CHST9: variants seen among roughly 807,000 people sequenced by gnomAD.
CHST9 encodes the protein GalNAc-4-sulfotransferase 2.
A neutral mutation model predicts 44.4 loss-of-function variants in CHST9; 41 were observed. That is an observed-to-expected ratio of 0.92 (90% CI 0.72 to 1.20). The LOEUF is 1.20. CHST9 is among the 50% of genes most tolerant of loss of function. CHST9 has a pLI of 0.00. For missense variants in CHST9, 504 were observed against 516.5 expected (o/e 0.98, Z 0.23); for synonymous variants, 171 against 178.4 (o/e 0.96, Z 0.33).
intron 2 of CHST9, among the ~76,000 whole-genome samples, chr18:27,083,086 T>C (rs946801532): frequency 1.3e-5 from 2 of 152,078 alleles, no homozygotes; most frequent in African/African-American, 4.8e-5. Flanking sequence ...TAAGGAAAGG[T>C]AATACATTTA....
At chr18:26,992,381 C>A (rs1468769384) in intron 4 of CHST9, among the ~76,000 whole-genome samples, 1 of 151,968 alleles carries the variant, frequency 6.6e-6, no homozygotes, top group Non-Finnish European at 1.5e-5. Context: ...TTGACTGTCT[C>A]TTATTTACCA....
chr18:26,975,696 T>TATATATATATATATAA (rs1488686233), intron 4 of CHST9, among the ~76,000 whole-genome samples: 1 of 117,256 alleles, frequency 8.5e-6, no homozygotes, highest in African/African-American at 3.1e-5. Context: ...TGTGTGTATA[T>TATATATATATATATAA]ATATGTGTAT....
Position 26,917,345 on chromosome 18 carries a change from G to T in CHST9, c.246C>A (p.Pro82=). 2 of 1,608,508 alleles carry T rather than the reference G, an allele frequency of 1.2e-6. No homozygotes were observed. Among genetic ancestry groups the T allele is most frequent in the Non-Finnish European group, 8.5e-7 (1 of 1,178,056 alleles). The part of the protein sequence containing the change: ...KIQEHITNQN[P]KFHMPEDVRE... Reference sequence around the variant, plus strand: ...GTACATCCTCAGGCATGTGAAACTTGGGGTTCTGTTAAAATAAAGAAGGAG... The same window carrying T: ...GTACATCCTCAGGCATGTGAAACTTTGGGTTCTGTTAAAATAAAGAAGGAG... The change falls in exon 6 of 6, where the codon CCC becomes CCA. Residue 82 remains proline, a synonymous_variant. Coordinates refer to ENST00000618847, the MANE Select transcript of CHST9 (RefSeq NM_031422.6).
At chr18:27,020,864 A>T (rs1429183856) in intron 4 of CHST9, among the ~76,000 whole-genome samples, 1 of 152,162 alleles carries the variant, frequency 6.6e-6, no homozygotes, top group African/African-American at 2.4e-5. Flanking sequence ...CTCATTAAAC[A>T]TTTTAAGAGG....
intron 2 of CHST9, among the ~76,000 whole-genome samples, chr18:27,082,228 C>G (rs2143684849): frequency 6.6e-6 from 1 of 152,266 alleles, no homozygotes; most frequent in Admixed American, 6.5e-5. Flanking sequence ...GTCAAAATAA[C>G]AGATATTTGA....
chr18:26,935,249 C>T (rs1362852930), intron 5 of CHST9: 1 of 152,154 alleles, frequency 6.6e-6, no homozygotes, highest in African/African-American at 2.4e-5. Flanking sequence ...GATAATTTCA[C>T]TTGCTTTAGA....
At chr18:27,125,508 T>G (rs2058412599) in intron 2 of CHST9, among the ~76,000 whole-genome samples, 1 of 152,180 alleles carries the variant, frequency 6.6e-6, no homozygotes, top group Admixed American at 6.5e-5. Flanking sequence ...CTGTATTGGT[T>G]TCTCTCTAAA....
At chr18:27,035,225 T>C (rs542554373) in intron 3 of CHST9, among the ~76,000 whole-genome samples, 1 of 152,318 alleles carries the variant, frequency 6.6e-6, no homozygotes, top group African/African-American at 2.4e-5. Flanking sequence ...TATGTCATTG[T>C]GGTTTTGATT....
At chr18:26,934,863 C>T (rs2055958652) in intron 5 of CHST9, 1 of 152,172 alleles carries the variant, frequency 6.6e-6, no homozygotes, top group Admixed American at 6.5e-5. Flanking sequence ...GTTTCAAACT[C>T]CCATATGATC....
intron 4 of CHST9, among the ~76,000 whole-genome samples, chr18:26,957,751 T>C (rs1421705895): frequency 6.6e-6 from 1 of 152,138 alleles, no homozygotes; most frequent in Non-Finnish European, 1.5e-5. Context: ...ATGTGTGGGT[T>C]ATGTTGGGTG....
chr18:27,017,924 T>G (rs2057174422), intron 4 of CHST9, among the ~76,000 whole-genome samples: 1 of 152,258 alleles, frequency 6.6e-6, no homozygotes, highest in Admixed American at 6.5e-5. Flanking sequence ...ATTTATCAAC[T>G]TAGTTTATCA....
At chr18:27,077,527 A>G (rs963378585) in intron 2 of CHST9, among the ~76,000 whole-genome samples, 2 of 152,156 alleles carry the variant, frequency 1.3e-5, no homozygotes, top group African/African-American at 4.8e-5. Flanking sequence ...GTCTTGAAAA[A>G]AAGATTCTGT....
chr18:26,976,081 C>T (rs2056620816), intron 4 of CHST9, among the ~76,000 whole-genome samples: 1 of 151,800 alleles, frequency 6.6e-6, no homozygotes, highest in Non-Finnish European at 1.5e-5. Context: ...ACAATGTACT[C>T]CAAATCTACG....
At chr18:27,142,974 A>T in intron 1 of CHST9, 69 bp from the exon 2 acceptor site, 1 of 578,184 alleles carries the variant, frequency 1.7e-6, no homozygotes, top group Non-Finnish European at 2.9e-6. Context: ...CGGCATAAAT[A>T]TTCACTATCT....
chr18:27,022,604 G>A lies in CHST9; in HGVS notation c.202+1512C>T, dbSNP rs190044501. ...TCTATACAACTAACTCTAAGTCTAC[G>A]TTGTTTTACTTGGGCAATACATGTG... On this transcript the variant is annotated intron_variant, in intron 4 of 5. Transcript: ENST00000618847. Among the ~76,000 whole-genome samples, 21 of 152,138 alleles carry A rather than the reference G, an allele frequency of 1.4e-4. 1 individual carries two copies. The East Asian group carries it at 2.7e-3, about 20-fold the overall frequency.
chr18:26,999,893 G>C (rs570872417), intron 4 of CHST9, among the ~76,000 whole-genome samples: 2 of 152,170 alleles, frequency 1.3e-5, no homozygotes, highest in Non-Finnish European at 2.9e-5. Flanking sequence ...GTACTTAGAC[G>C]TTAAGTGGGA....
chr18:26,922,273 A>T (rs1465981772), intron 5 of CHST9, among the ~76,000 whole-genome samples: 1 of 152,106 alleles, frequency 6.6e-6, no homozygotes, highest in Non-Finnish European at 1.5e-5. Flanking sequence ...TTCTAGTTTG[A>T]TGTAAAAATC....
At chr18:27,093,078 G>A (rs2058084769) in intron 2 of CHST9, among the ~76,000 whole-genome samples, 1 of 152,126 alleles carries the variant, frequency 6.6e-6, no homozygotes, top group South Asian at 2.1e-4. Context: ...AAATATTGCA[G>A]AACAGCTGCC....
At chr18:27,158,186 G>T (rs2058713064) in intron 1 of CHST9, among the ~76,000 whole-genome samples, 1 of 152,108 alleles carries the variant, frequency 6.6e-6, no homozygotes. Flanking sequence ...CATGTGCCAT[G>T]TTGGTGTGCT....
Sources: gnomAD v4.1 joint callset for allele counts (sites outside exome capture counted in the v4.1 genomes callset) on GRCh38, gnomAD v4.1.1 for gene constraint, MANE v1.5 for transcripts, NCBI Gene and HGNC (gene_info 2026-07-23, HGNC 2026-07-21) for gene names.